The following BCAS3 variants were observed in gnomAD, a reference collection of about 807,000 sequenced individuals.
BCAS3 encodes BCAS4/BCAS3 fusion.
BCAS3 carries 53 observed loss-of-function variants against 116.1 expected under a neutral mutation model. The ratio of observed to expected loss-of-function variants is 0.46; its 90% CI spans 0.37 to 0.57. The LOEUF (loss-of-function observed/expected upper bound fraction) is 0.57, where lower values mean the gene tolerates loss of function less well. Among genes scored for constraint, BCAS3 ranks in the 20% least tolerant of loss-of-function variants. The pLI, the probability that BCAS3 is intolerant of heterozygous loss-of-function variation, is 0.00. For synonymous variants in BCAS3, 391 were observed against 408.2 expected, an observed-to-expected ratio of 0.96 and a Z score of 0.51; for missense variants, 917 against 1,165.4, an observed-to-expected ratio of 0.79 and a Z score of 3.10.
In BCAS3 at chr17:61,026,785, C is replaced by T; in HGVS notation, c.1638-7881C>T. ...AGTTATTTTTATCCATACTCTATAA[C>T]AGTATGATATACTTGTATTTGCTAA... On this transcript the variant is annotated intron_variant, in intron 16 of 23. Coordinates refer to ENST00000407086, the MANE Select transcript of BCAS3 (RefSeq NM_017679.5). This position sits in a 1 kb window ranked among gnomAD's most constrained non-coding sequence, Gnocchi z 5.0. 1 of 1,268,552 alleles carries T rather than the reference C, an allele frequency of 7.9e-7. No homozygotes were observed. The highest frequency in any genetic ancestry group is 1.1e-6 in the Non-Finnish European group (1 of 889,240). The allele number at this position is 1,268,552 out of a possible 1,614,324, so 78.6% of individuals were successfully genotyped here. A position where few individuals can be genotyped will look rare whatever the true frequency, so the allele number is the denominator to read the frequency against.
chr17:61,038,731 C>T (rs560103355), intron 18 of BCAS3, among the ~76,000 whole-genome samples: 1 of 145,876 alleles, frequency 6.9e-6, no homozygotes, highest in South Asian at 2.2e-4. Flanking sequence ...GGCAGTGGCA[C>T]GATCTCAGCT....
intron 22 of BCAS3, among the ~76,000 whole-genome samples, chr17:61,331,870 C>G (rs2056322357): frequency 6.6e-6 from 1 of 152,132 alleles, no homozygotes; most frequent in Non-Finnish European, 1.5e-5. Flanking sequence ...TGCCTGAATC[C>G]TCAGCCCATC....
Position 61,199,181 on chromosome 17 carries a change from TCTTC to T in BCAS3, c.2425+114622_2425+114625del, listed in dbSNP as rs1379902520. On this transcript the variant is annotated intron_variant, in intron 22 of 23. Coordinates refer to ENST00000407086, the MANE Select transcript of BCAS3 (RefSeq NM_017679.5). This position sits in a 1 kb window ranked among gnomAD's most constrained non-coding sequence, Gnocchi z 4.6. The stretch of plus-strand genomic sequence containing the variant: ...TACTGGGATATGCCAGGAAGAAATT[TCTTC>T]CTTCTATTTCTTCTCCCTCTTTTTA... Among the ~76,000 whole-genome samples, 1 of 152,200 alleles carries T rather than the reference TCTTC, an allele frequency of 6.6e-6. No individual in the cohort carries two copies. The highest frequency in any genetic ancestry group is 1.5e-5 in the Non-Finnish European group (1 of 68,030).
At chr17:60,753,453 A>AG (rs1329694389) in intron 6 of BCAS3, among the ~76,000 whole-genome samples, 1 of 151,120 alleles carries the variant, frequency 6.6e-6, no homozygotes, top group African/African-American at 2.4e-5. Flanking sequence ...TCTGTCACCC[A>AG]GGCTGGAGTG....
At chr17:60,707,415 G>A (rs1033590982) in intron 4 of BCAS3, among the ~76,000 whole-genome samples, 6 of 152,128 alleles carry the variant, frequency 3.9e-5, no homozygotes, top group African/African-American at 1.2e-4. Flanking sequence ...CAGTCTATAC[G>A]TGGATTTTGA....
chr17:60,691,551 G>A (rs759594381), intron 4 of BCAS3, among the ~76,000 whole-genome samples: 6 of 152,028 alleles, frequency 3.9e-5, no homozygotes, highest in Non-Finnish European at 8.8e-5. Flanking sequence ...TTGGAGAAAT[G>A]GCTCTTCATG....
intron 22 of BCAS3, among the ~76,000 whole-genome samples, chr17:61,257,044 A>T (rs575359860): frequency 9.9e-5 from 15 of 152,254 alleles, no homozygotes; most frequent in African/African-American, 3.6e-4. Context: ...TTCCATTTAG[A>T]TCTCAATCTT....
At chr17:60,745,021 A>G (rs1199717093) in intron 5 of BCAS3, among the ~76,000 whole-genome samples, 1 of 152,028 alleles carries the variant, frequency 6.6e-6, no homozygotes, top group Non-Finnish European at 1.5e-5. Flanking sequence ...GATTTGTTTT[A>G]TTCTTTTTTT....
Position 60,868,567 on chromosome 17 carries a change from CT to C in BCAS3, c.477-3del. On this transcript the variant is annotated splice_region_variant and splice_polypyrimidine_tract_variant and intron_variant, in intron 7 of 23. Coordinates refer to ENST00000407086, the MANE Select transcript of BCAS3 (RefSeq NM_017679.5). ...AAAATGACATTTTTCTTTCTTTTTT[CT>C]TTTTTAGCACAAGCCCACCGTACTG... 4 of 1,509,678 alleles carry C rather than the reference CT, an allele frequency of 2.6e-6. No homozygotes were observed. The highest frequency in any genetic ancestry group is 3.5e-6 in the Non-Finnish European group (4 of 1,132,796). 93.5% of individuals were successfully genotyped at this position (1,509,678 alleles called of 1,614,324 possible).
chr17:61,085,583 T>C (rs1241637104), intron 22 of BCAS3, among the ~76,000 whole-genome samples: 1 of 152,228 alleles, frequency 6.6e-6, no homozygotes, highest in Non-Finnish European at 1.5e-5. Flanking sequence ...GTTAGTGGAT[T>C]GTACCTTGCA....
intron 13 of BCAS3, among the ~76,000 whole-genome samples, chr17:60,939,028 A>T (rs2060090127): frequency 6.6e-6 from 1 of 152,234 alleles, no homozygotes. Context: ...AATATTTAAT[A>T]TATGACCCTG....
At chr17:60,839,405 T>C (rs2051679068) in intron 7 of BCAS3, among the ~76,000 whole-genome samples, 2 of 152,178 alleles carry the variant, frequency 1.3e-5, no homozygotes, top group Non-Finnish European at 1.5e-5. Context: ...CCAACCCCAA[T>C]TGTAATATTA....
At chr17:60,714,279 T>C (rs2038291639) in intron 5 of BCAS3, among the ~76,000 whole-genome samples, 1 of 152,132 alleles carries the variant, frequency 6.6e-6, no homozygotes. Flanking sequence ...TATATTTGCT[T>C]TTGAGTAAGT....
chr17:61,382,633 G>C (rs113962403), intron 23 of BCAS3, among the ~76,000 whole-genome samples: 299 of 151,366 alleles, frequency 2.0e-3, no homozygotes, highest in Non-Finnish European at 3.5e-3. Flanking sequence ...TCCAGCCTGG[G>C]TGAAAGAGCA....
chr17:61,049,481 T>G (rs554969662), intron 19 of BCAS3, among the ~76,000 whole-genome samples: 1 of 151,770 alleles, frequency 6.6e-6, no homozygotes, highest in African/African-American at 2.4e-5. Context: ...GAAGGGGTGG[T>G]GGGACAGAAG....
rs910388845 is a variant in BCAS3 at position 61,244,009 on chromosome 17, C to T, written c.2426-124318C>T. Among the ~76,000 whole-genome samples the T allele has an allele frequency of 6.6e-5, 10 of 151,952 alleles. No individual in the cohort carries two copies. The highest frequency in any genetic ancestry group is 4.1e-4 in the South Asian group (2 of 4,824). ...TCTTGCTATGTTGCCCCAGCTGGTC[C>T]TGAACTCCTGGCCTCAAGTGATTCT... On this transcript the variant is annotated intron_variant, in intron 22 of 23. Coordinates refer to ENST00000407086, the MANE Select transcript of BCAS3 (RefSeq NM_017679.5). The surrounding 1 kb of genome is among the most constrained non-coding windows in gnomAD (Gnocchi z 4.9).
intron 14 of BCAS3, among the ~76,000 whole-genome samples, chr17:60,979,924 C>T (rs1304753117): frequency 6.6e-6 from 1 of 151,846 alleles, no homozygotes; most frequent in Non-Finnish European, 1.5e-5. Flanking sequence ...ATTTTTGCAT[C>T]AATGTTCATC....
intron 22 of BCAS3, among the ~76,000 whole-genome samples, chr17:61,178,571 A>C (rs553077618): frequency 6.6e-6 from 1 of 152,342 alleles, no homozygotes; most frequent in East Asian, 1.9e-4. Flanking sequence ...AATAAAGTAC[A>C]GATTTATCTG....
intron 6 of BCAS3, among the ~76,000 whole-genome samples, chr17:60,797,671 TA>T (rs1264522825): frequency 6.6e-6 from 1 of 152,172 alleles, no homozygotes; most frequent in African/African-American, 2.4e-5. Flanking sequence ...CTCCTAATGC[TA>T]TCCCTCTCCT....
Sources: allele counts gnomAD v4.1 joint callset (sites outside exome capture counted in the v4.1 genomes callset), GRCh38; gene constraint gnomAD v4.1.1; non-coding constraint Gnocchi (gnomAD v3.1); transcripts MANE v1.5; gene names NCBI Gene and HGNC (gene_info 2026-07-23, HGNC 2026-07-21).